Variants in MYT1L observed in about 807,000 individuals in gnomAD.
MYT1L encodes myelin transcription factor 1 like.
A neutral mutation model predicts 126.7 loss-of-function variants in MYT1L; 12 were observed. That is an observed-to-expected ratio of 0.09 (90% CI 0.06 to 0.15). MYT1L has a LOEUF of 0.15. MYT1L is among the 10% of genes least tolerant of loss of function. The probability of loss-of-function intolerance (pLI) is 1.00; values close to 1 mark genes in which losing one functional copy is unlikely to be tolerated. For synonymous variants in MYT1L, 541 were observed against 604.2 expected, an observed-to-expected ratio of 0.90 and a Z score of 1.53; for missense variants, 979 against 1,585.2, an observed-to-expected ratio of 0.62 and a Z score of 6.49.
chr2:2,215,206 T>C (rs186589600), intron 2 of MYT1L, among the ~76,000 whole-genome samples: 14 of 152,340 alleles, frequency 9.2e-5, no homozygotes, highest in African/African-American at 3.1e-4. Context: ...GAATTAACTA[T>C]ATTCATACAT....
intron 18 of MYT1L, among the ~76,000 whole-genome samples, chr2:1,862,891 GAGA>G (rs1431338093): frequency 7.2e-5 from 11 of 152,166 alleles, no homozygotes; most frequent in Admixed American, 5.9e-4. Flanking sequence ...GGGAAGATGG[GAGA>G]AGAAGGAGAA....
At chr2:2,005,296 G>A (rs370464869) in intron 4 of MYT1L, among the ~76,000 whole-genome samples, 53 of 95,638 alleles carry the variant, frequency 5.5e-4, no homozygotes, top group Middle Eastern at 0.02. Context: ...TCCTGCAGGC[G>A]TTCTTTCCTG....
chr2:1,813,178 T>TG (rs1028150183), intron 21 of MYT1L, among the ~76,000 whole-genome samples: 14 of 152,152 alleles, frequency 9.2e-5, no homozygotes, highest in African/African-American at 1.7e-4. Context: ...GAGCTGCAGG[T>TG]GGGGGGGAGA....
At chr2:1,990,109 T>G (rs548256960) in intron 5 of MYT1L, among the ~76,000 whole-genome samples, 126 of 152,342 alleles carry the variant, frequency 8.3e-4, no homozygotes, top group Non-Finnish European at 1.3e-3. Flanking sequence ...TCTCTGGCCT[T>G]TTGGCACCTG....
intron 2 of MYT1L, among the ~76,000 whole-genome samples, chr2:2,194,114 C>T (rs971282777): frequency 1.3e-5 from 2 of 152,044 alleles, no homozygotes; most frequent in East Asian, 3.9e-4. Context: ...GGTTCTCACT[C>T]TGTCCCCCAG....
chr2:1,939,306 G>C (rs1265245570), intron 9 of MYT1L, among the ~76,000 whole-genome samples: 1 of 152,210 alleles, frequency 6.6e-6, no homozygotes, highest in Non-Finnish European at 1.5e-5. Flanking sequence ...GGACATAGCA[G>C]TCACTAAGAG....
chr2:2,029,207 C>T (rs1013965880), intron 4 of MYT1L, among the ~76,000 whole-genome samples: 2 of 152,148 alleles, frequency 1.3e-5, no homozygotes, highest in African/African-American at 2.4e-5. Flanking sequence ...GAATGACATT[C>T]GTGACTGTCT....
At chr2:2,150,181 G>A (rs755421079) in intron 3 of MYT1L, among the ~76,000 whole-genome samples, 1 of 152,122 alleles carries the variant, frequency 6.6e-6, no homozygotes, top group Non-Finnish European at 1.5e-5. Context: ...TCTGTCTTGG[G>A]GAAGACGGCC....
intron 19 of MYT1L, among the ~76,000 whole-genome samples, chr2:1,850,001 C>G (rs996890171): frequency 2.1e-5 from 3 of 142,666 alleles, no homozygotes; most frequent in Admixed American, 2.1e-4. Flanking sequence ...CTACTCTGTA[C>G]AGACAACCGT....
chr2:1,860,311 C>CAA (rs879771594), intron 18 of MYT1L, among the ~76,000 whole-genome samples: 14 of 148,080 alleles, frequency 9.5e-5, no homozygotes, highest in Non-Finnish European at 1.8e-4. Flanking sequence ...AGGACCCATG[C>CAA]AAAAAAAAAA....
At chr2:1,880,760 C>CCA (rs577993894) in intron 18 of MYT1L, among the ~76,000 whole-genome samples, 257 of 152,262 alleles carry the variant, frequency 1.7e-3, no homozygotes, top group African/African-American at 5.9e-3. Context: ...CCATGGTCTG[C>CCA]GTTTTCTTTT....
chr2:2,172,197 C>CA (rs2090144636), intron 3 of MYT1L, among the ~76,000 whole-genome samples: 1 of 152,116 alleles, frequency 6.6e-6, no homozygotes, highest in African/African-American at 2.4e-5. Context: ...ACTAGGTATG[C>CA]GCCAATCTCT....
chr2:2,324,199 A>T (rs2149715587), intron 1 of MYT1L: 1 of 152,340 alleles, frequency 6.6e-6, no homozygotes, highest in South Asian at 2.1e-4. Flanking sequence ...AGCAGCCTCA[A>T]GACTTGCAAA....
rs2051825653 is a variant in MYT1L, at chr2:1,910,609, G to A, written c.1710-262C>T. 6.6e-6 allele frequency among the ~76,000 whole-genome samples: 1 copy of A among 152,272 alleles called. No homozygotes were observed. Among genetic ancestry groups the A allele is most frequent in the Non-Finnish European group, 1.5e-5 (1 of 68,028 alleles). ...AGGTGTATTCAATCCTTCCCAATGAGAGCATCCCAGCTCCCATGCATTCGG... is the reference window on the plus strand; with the variant it reads ...AGGTGTATTCAATCCTTCCCAATGAAAGCATCCCAGCTCCCATGCATTCGG... On this transcript the variant is annotated intron_variant, in intron 12 of 24. Coordinates refer to ENST00000647738, the MANE Select transcript of MYT1L (RefSeq NM_001303052.2). This position sits in a 1 kb window ranked among gnomAD's most constrained non-coding sequence, Gnocchi z 4.8.
chr2:2,281,958 T>A (rs900885366), intron 2 of MYT1L, among the ~76,000 whole-genome samples: 9 of 152,360 alleles, frequency 5.9e-5, no homozygotes, highest in Admixed American at 5.9e-4. Context: ...GTTTCTGTAG[T>A]GCACTCTGGC....
intron 8 of MYT1L, among the ~76,000 whole-genome samples, chr2:1,956,574 T>TTCTATCTATCTATCTA (rs72311419): frequency 8.9e-5 from 9 of 101,592 alleles, no homozygotes; most frequent in South Asian, 6.2e-4. Flanking sequence ...ATATTTCCTA[T>TTCTATCTATCTATCTA]TCTATCTATC....
At chr2:2,178,772 C>G (rs965729063) in intron 2 of MYT1L, among the ~76,000 whole-genome samples, 1 of 152,112 alleles carries the variant, frequency 6.6e-6, no homozygotes, top group African/African-American at 2.4e-5. Context: ...TAGATTTGGT[C>G]ATTGAAGTCC....
chr2:1,820,509 T>C (rs1280763651), intron 21 of MYT1L, among the ~76,000 whole-genome samples: 1 of 152,192 alleles, frequency 6.6e-6, no homozygotes, highest in African/African-American at 2.4e-5. Flanking sequence ...AGGTATTTTG[T>C]AGAGTGACTA....
At chr2:2,233,395 C>T (rs1415037669) in intron 2 of MYT1L, among the ~76,000 whole-genome samples, 1 of 152,076 alleles carries the variant, frequency 6.6e-6, no homozygotes, top group Non-Finnish European at 1.5e-5. Context: ...TGCGGGAGCC[C>T]TAGGGTTGCG....
Sources: gnomAD v4.1 joint callset for allele counts (sites outside exome capture counted in the v4.1 genomes callset) on GRCh38, gnomAD v4.1.1 for gene constraint, Gnocchi (gnomAD v3.1) non-coding constraint, MANE v1.5 for transcripts, NCBI Gene and HGNC (gene_info 2026-07-23, HGNC 2026-07-21) for gene names.